CEMIP: variants seen among roughly 807,000 people sequenced by gnomAD.
CEMIP encodes cell migration inducing hyaluronidase 1.
CEMIP carries 105 observed loss-of-function variants against 156.9 expected under a neutral mutation model. The ratio of observed to expected loss-of-function variants is 0.67; its 90% CI spans 0.57 to 0.79. The LOEUF is 0.79. Ranked by LOEUF, CEMIP falls within the 30% of genes least tolerant of loss-of-function variation. The probability of loss-of-function intolerance (pLI) is 0.00; values close to 1 mark genes in which losing one functional copy is unlikely to be tolerated. For missense variants in CEMIP, 1,457 were observed against 1,769.4 expected, an observed-to-expected ratio of 0.82 and a Z score of 3.17; for synonymous variants, 676 against 668.4, an observed-to-expected ratio of 1.01 and a Z score of -0.17.
In CEMIP at chr15:80,895,990, C is replaced by T; in HGVS notation, c.1341C>T (p.Ser447=). 2.5e-6 allele frequency: 4 copies of T among 1,614,168 alleles called. No homozygotes were observed. The highest frequency in any genetic ancestry group is 3.4e-6 in the Non-Finnish European group (4 of 1,180,010). ...TGGTCATTGCCAGTACTGATTACTC[C>T]ATGTACCAGGCAGAAGAGTTCCAGG... ...DTLVIASTDY[S]MYQAEEFQVL... Residue 447 remains serine (S), a synonymous_variant, in exon 12 of 30, where the codon TCC becomes TCT. Transcript: ENST00000394685.
At chr15:80,924,806 A>G (rs1900599178) in intron 18 of CEMIP, 100 bp downstream of exon 18, 2 of 1,076,090 alleles carry the variant, frequency 1.9e-6, no homozygotes. Context: ...GCATCTGTTG[A>G]GCCCTTGCTT....
At chr15:80,902,013 C>T (rs1186612906) in intron 12 of CEMIP, among the ~76,000 whole-genome samples, 2 of 152,232 alleles carry the variant, frequency 1.3e-5, no homozygotes, top group South Asian at 4.1e-4. Context: ...GGCTTGTCCT[C>T]ATACCCGATC....
Position 80,941,964 on chromosome 15 carries a change from A to G in CEMIP, c.3523A>G (p.Ser1175Gly). ...TCTGATTCCAAAGAACGCAGGCGTCAGTGACTGCACAGCCACAGCTTACCC... is the reference window on the plus strand; with the variant it reads ...TCTGATTCCAAAGAACGCAGGCGTCGGTGACTGCACAGCCACAGCTTACCC... ...KALIPKNAGV[S>G]DCTATAYPKF... is the part of the protein sequence containing the mutation. Residue 1175 changes from serine (S) to glycine (G), a missense_variant, in exon 26 of 30, where the codon AGT (serine) becomes GGT (glycine). Around this residue, in one of 5 missense-constraint regions of CEMIP, gnomAD observed 798 missense variants for 980.1 expected, o/e 0.81. Coordinates refer to ENST00000394685, the MANE Select transcript of CEMIP (RefSeq NM_001293298.2). 1 of 1,614,084 alleles carries G rather than the reference A, an allele frequency of 6.2e-7. No individual in the cohort carries two copies. Among genetic ancestry groups the G allele is most frequent in the Non-Finnish European group, 8.5e-7 (1 of 1,179,980 alleles).
intron 29 of CEMIP, chr15:80,947,432 A>G (rs1253034050): frequency 1.8e-5 from 5 of 272,906 alleles, no homozygotes; most frequent in African/African-American, 1.1e-4. Context: ...GGGGTCCTGC[A>G]TCTTCTTCAA....
At chr15:80,799,663 A>C (rs187664745) in intron 1 of CEMIP, among the ~76,000 whole-genome samples, 1 of 152,210 alleles carries the variant, frequency 6.6e-6, no homozygotes, top group Non-Finnish European at 1.5e-5. Context: ...AAGATATGGA[A>C]TCAATCTAAG....
intron 1 of CEMIP, among the ~76,000 whole-genome samples, chr15:80,860,789 A>G (rs924389934): frequency 5.3e-5 from 8 of 151,438 alleles, no homozygotes; most frequent in Non-Finnish European, 1.2e-4. Flanking sequence ...CCTACCCCTT[A>G]GCTGTGCTGA....
intron 12 of CEMIP, chr15:80,900,913 A>T (rs753504322): frequency 4.4e-6 from 2 of 454,902 alleles, no homozygotes; most frequent in South Asian, 3.1e-5. Flanking sequence ...CTTCTTCCTC[A>T]TTGCTCCCAG....
intron 1 of CEMIP, among the ~76,000 whole-genome samples, chr15:80,850,666 T>G (rs1304175321): frequency 6.6e-6 from 1 of 152,034 alleles, no homozygotes; most frequent in African/African-American, 2.4e-5. Context: ...CTCCCTAAAG[T>G]TGAAGGTGTG....
chr15:80,841,565 C>T (rs956693149), intron 1 of CEMIP, among the ~76,000 whole-genome samples: 3 of 152,198 alleles, frequency 2.0e-5, no homozygotes, highest in African/African-American at 7.2e-5. Flanking sequence ...CAGGCACTTC[C>T]ACTTGCCCTT....
At chr15:80,794,720 G>C (rs981537837) in intron 1 of CEMIP, among the ~76,000 whole-genome samples, 1 of 152,130 alleles carries the variant, frequency 6.6e-6, no homozygotes, top group Non-Finnish European at 1.5e-5. Context: ...CATGTTTCCC[G>C]TGCTTAATAG....
chr15:80,900,624 GTGTGTGTGTGTGTGTGTGTGTGTGTC>G (rs879840600), intron 12 of CEMIP, among the ~76,000 whole-genome samples: 2,699 of 145,088 alleles, frequency 0.019, 30 homozygotes, highest in Middle Eastern at 0.028. Context: ...GTGTGTGTGT[GTGTGTGTGTGTGTGTGTGTGTGTGTC>G]TGTGTGTGTG....
chr15:80,870,094 G>A (rs190213346), intron 1 of CEMIP, among the ~76,000 whole-genome samples: 4 of 152,316 alleles, frequency 2.6e-5, no homozygotes, highest in Admixed American at 2.0e-4. Flanking sequence ...GGGTACAAGT[G>A]GCCAGGTGGC....
chr15:80,908,340 GAGTTGACACTCC>G (rs1899892883), intron 13 of CEMIP, among the ~76,000 whole-genome samples: 2 of 152,132 alleles, frequency 1.3e-5, no homozygotes, highest in Admixed American at 6.5e-5. Context: ...GCTACTACTG[GAGTTGACACTCC>G]AGTTGACACC....
chr15:80,904,979 C>T (rs1244043783), intron 12 of CEMIP, among the ~76,000 whole-genome samples: 1 of 152,092 alleles, frequency 6.6e-6, no homozygotes, highest in African/African-American at 2.4e-5. Context: ...CAAAAAAAAC[C>T]CCACAATCTC....
At chr15:80,841,950 A>T in intron 1 of CEMIP, 1 of 295,046 alleles carries the variant, frequency 3.4e-6, no homozygotes, top group Non-Finnish European at 7.2e-6. Context: ...ATTACATACA[A>T]AGATGCATGG....
intron 1 of CEMIP, among the ~76,000 whole-genome samples, chr15:80,872,317 C>T (rs1051980824): frequency 7.9e-5 from 12 of 152,172 alleles, no homozygotes; most frequent in Non-Finnish European, 1.5e-4. Flanking sequence ...AGCTGGCCAC[C>T]GCCAAAGCCC....
chr15:80,863,013 G>A (rs1472088729), intron 1 of CEMIP, among the ~76,000 whole-genome samples: 1 of 152,174 alleles, frequency 6.6e-6, no homozygotes, highest in African/African-American at 2.4e-5. Context: ...CTTCCTCGCT[G>A]CAGCCTCCAG....
intron 14 of CEMIP, among the ~76,000 whole-genome samples, chr15:80,910,641 G>C (rs1269614143): frequency 6.6e-6 from 1 of 152,200 alleles, no homozygotes; most frequent in Non-Finnish European, 1.5e-5. Flanking sequence ...AGTCTAGGGG[G>C]GCCTGGGTTC....
intron 1 of CEMIP, among the ~76,000 whole-genome samples, chr15:80,872,072 G>A (rs1898312884): frequency 6.6e-6 from 1 of 152,196 alleles, no homozygotes. Flanking sequence ...GGCCCAGTGT[G>A]CTCCTTTCAG....
Sources: allele counts gnomAD v4.1 joint callset (sites outside exome capture counted in the v4.1 genomes callset), GRCh38; gene constraint gnomAD v4.1.1; regional missense constraint gnomAD v4.1.1; transcripts MANE v1.5; gene names NCBI Gene and HGNC (gene_info 2026-07-23, HGNC 2026-07-21).